Variants in CCDC40 observed in about 807,000 individuals in gnomAD.
CCDC40 encodes the protein coiled-coil domain 40 molecular ruler complex subunit, also known as coiled-coil domain-containing protein 40.
A neutral mutation model predicts 124.5 loss-of-function variants in CCDC40; 104 were observed. The ratio of observed to expected loss-of-function variants is 0.84; its 90% CI spans 0.71 to 0.98. CCDC40 has a LOEUF of 0.98. CCDC40 is among the 50% of genes least tolerant of loss of function. The pLI, the probability that CCDC40 is intolerant of heterozygous loss-of-function variation, is 0.00. For missense variants in CCDC40, 1,463 were observed against 1,503.9 expected (o/e 0.97, Z 0.45); for synonymous variants, 580 against 602.9 (o/e 0.96, Z 0.56).
At chr17:80,037,691 A>ATATATATATT (rs2037143647) in intron 1 of CCDC40, among the ~76,000 whole-genome samples, 2 of 75,974 alleles carry the variant, frequency 2.6e-5, no homozygotes, top group Admixed American at 1.3e-4. Flanking sequence ...TTTAAAAAAG[A>ATATATATATT]TATACATATA....
chr17:80,091,000 C>T (rs1004042615), intron 17 of CCDC40, among the ~76,000 whole-genome samples: 3 of 152,236 alleles, frequency 2.0e-5, no homozygotes, highest in Non-Finnish European at 4.4e-5. Context: ...GGCTGCTCCT[C>T]CCTGTCCCTT....
intron 3 of CCDC40, among the ~76,000 whole-genome samples, chr17:80,043,865 G>T (rs1012200456): frequency 6.6e-6 from 1 of 151,942 alleles, no homozygotes; most frequent in Non-Finnish European, 1.5e-5. Flanking sequence ...GAGAAGCCTG[G>T]CCCCATGATC....
intron 17 of CCDC40, chr17:80,090,812 G>T: frequency 8.2e-7 from 1 of 1,220,312 alleles, no homozygotes; most frequent in Non-Finnish European, 1.0e-6. Context: ...CTTTCACCAT[G>T]CCATGCTAAA....
At chr17:80,071,029 C>G (rs1415378979) in intron 10 of CCDC40, among the ~76,000 whole-genome samples, 1 of 152,212 alleles carries the variant, frequency 6.6e-6, no homozygotes, top group African/African-American at 2.4e-5. Flanking sequence ...CGCAGCGGTC[C>G]AGGCAATCCA....
chr17:80,043,634 G>T (rs1330296502), intron 3 of CCDC40, among the ~76,000 whole-genome samples: 1 of 135,282 alleles, frequency 7.4e-6, no homozygotes, highest in Non-Finnish European at 1.5e-5. Flanking sequence ...TTGAAACAGA[G>T]TCTTGCCCAG....
At chr17:80,096,303 A>G (rs1327324866) in intron 18 of CCDC40, among the ~76,000 whole-genome samples, 2 of 152,156 alleles carry the variant, frequency 1.3e-5, no homozygotes, top group African/African-American at 4.8e-5. Context: ...ATGGGTGCCC[A>G]CCTCTCAGAG....
chr17:80,091,323 A>T (rs2038717451), intron 17 of CCDC40, among the ~76,000 whole-genome samples: 1 of 151,254 alleles, frequency 6.6e-6, no homozygotes, highest in African/African-American at 2.4e-5. Flanking sequence ...ACACACACAC[A>T]CACACACACA....
chr17:80,085,569 T>G (rs558522232), intron 13 of CCDC40, among the ~76,000 whole-genome samples: 3 of 152,082 alleles, frequency 2.0e-5, no homozygotes, highest in Non-Finnish European at 2.9e-5. Context: ...AGAGCTAACT[T>G]GAGCCCCTCG....
At chr17:80,089,590 G>A in intron 16 of CCDC40, 174 bp from the exon 17 acceptor site, 1 of 453,076 alleles carries the variant, frequency 2.2e-6, no homozygotes. Context: ...GCAAACGTTT[G>A]CATAAGGAGC....
intron 12 of CCDC40, 36 bp from the exon 13 acceptor site, chr17:80,084,707 G>A: frequency 6.2e-7 from 1 of 1,612,452 alleles, no homozygotes; most frequent in Non-Finnish European, 8.5e-7. Context: ...CTTGGGTGGG[G>A]GCAATATTCA....
intron 1 of CCDC40, among the ~76,000 whole-genome samples, chr17:80,037,688 A>AAAAAAAAAAAAATATATATAT: frequency 1.1e-3 from 48 of 45,700 alleles, no homozygotes; most frequent in African/African-American, 2.8e-3. Flanking sequence ...TTTTTTAAAA[A>AAAAAAAAAAAAATATATATAT]AGATATACAT....
At chr17:80,099,218 G>A (rs1162264726) in intron 19 of CCDC40, among the ~76,000 whole-genome samples, 2 of 151,934 alleles carry the variant, frequency 1.3e-5, no homozygotes, top group East Asian at 3.9e-4. Flanking sequence ...GTGAACCCGG[G>A]AGGCGGAGCT....
chr17:80,098,964 G>C (rs571202328), intron 19 of CCDC40: 6 of 136,016 alleles, frequency 4.4e-5, no homozygotes, highest in African/African-American at 1.6e-4. Flanking sequence ...CTAGGTAACA[G>C]AGCGAGACAG....
intron 10 of CCDC40, among the ~76,000 whole-genome samples, chr17:80,069,056 C>T (rs968613804): frequency 6.6e-6 from 1 of 152,224 alleles, no homozygotes; most frequent in African/African-American, 2.4e-5. Context: ...CTGCTTTCTC[C>T]ATTCCATTCC....
At chr17:80,054,764 A>G (rs538958224) in intron 7 of CCDC40, among the ~76,000 whole-genome samples, 2 of 152,320 alleles carry the variant, frequency 1.3e-5, no homozygotes, top group African/African-American at 4.8e-5. Flanking sequence ...ACCTGAGGTC[A>G]GGAGTTCGAG....
At chr17:80,099,407 T>C in intron 19 of CCDC40, 120 bp from the exon 20 acceptor site, 3 of 1,213,248 alleles carry the variant, frequency 2.5e-6, no homozygotes, top group Non-Finnish European at 3.6e-6. Flanking sequence ...ACGCCGTCCC[T>C]TTTCAGGCGT....
At chr17:80,085,047 AG>A in intron 13 of CCDC40, 59 bp downstream of exon 13, 1 of 1,593,222 alleles carries the variant, frequency 6.3e-7, no homozygotes, top group Non-Finnish European at 8.5e-7. Context: ...GGTGGGGCAG[AG>A]CCCCCTCAGA....
Position 80,058,703 on chromosome 17 carries a change from A to G in CCDC40, c.1317+52A>G. The G allele has an allele frequency of 6.2e-7, 1 of 1,610,146 alleles. No individual in the cohort carries two copies. ...AATGATCACCAGACCGTGGAGCTTCAAAAAGGGGCTCAGCTTTGCCTCCTG... is the reference window on the plus strand; with the variant it reads ...AATGATCACCAGACCGTGGAGCTTCGAAAAGGGGCTCAGCTTTGCCTCCTG... On this transcript the variant is annotated intron_variant, in intron 8 of 19. Coordinates refer to ENST00000397545, the MANE Select transcript of CCDC40 (RefSeq NM_017950.4). The surrounding 1 kb of genome is among the most constrained non-coding windows in gnomAD (Gnocchi z 4.2).
chr17:80,075,608 G>A (rs1261441268), intron 10 of CCDC40, among the ~76,000 whole-genome samples: 2 of 151,934 alleles, frequency 1.3e-5, no homozygotes, highest in African/African-American at 4.8e-5. Flanking sequence ...GAGGGTGGAG[G>A]CAGGGGTGGT....
Sources: allele counts gnomAD v4.1 joint callset (sites outside exome capture counted in the v4.1 genomes callset), GRCh38; gene constraint gnomAD v4.1.1; non-coding constraint Gnocchi (gnomAD v3.1); transcripts MANE v1.5; gene names NCBI Gene and HGNC (gene_info 2026-07-23, HGNC 2026-07-21).